Variants in NRP1 observed in about 807,000 individuals in gnomAD.
NRP1 encodes the protein neuropilin 1, also known as neuropilin-1.
A neutral mutation model predicts 106.7 loss-of-function variants in NRP1; 35 were observed. The ratio of observed to expected loss-of-function variants is 0.33; its 90% CI spans 0.25 to 0.43. The LOEUF (loss-of-function observed/expected upper bound fraction) is 0.43, where lower values mean the gene tolerates loss of function less well. NRP1 is among the 20% of genes least tolerant of loss of function. NRP1 has a pLI of 1.00. For missense variants in NRP1, 1,024 were observed against 1,170.4 expected (o/e 0.87, Z 1.83); for synonymous variants, 437 against 417.9 (o/e 1.05, Z -0.56).
chr10:33,282,128 G>GTTGT (rs1554801676), intron 2 of NRP1, among the ~76,000 whole-genome samples: 1 of 149,330 alleles, frequency 6.7e-6, no homozygotes, highest in Non-Finnish European at 1.5e-5. Flanking sequence ...ACCATAGTAT[G>GTTGT]TTTTTTTTTT....
intron 2 of NRP1, among the ~76,000 whole-genome samples, chr10:33,292,353 A>G (rs1159257506): frequency 6.6e-6 from 1 of 152,182 alleles, no homozygotes; most frequent in African/African-American, 2.4e-5. Flanking sequence ...GGAAAGCAAA[A>G]TTCTACAATA....
intron 2 of NRP1, among the ~76,000 whole-genome samples, chr10:33,289,726 A>T (rs939712729): frequency 6.6e-6 from 1 of 152,178 alleles, no homozygotes; most frequent in African/African-American, 2.4e-5. Context: ...TTCACTCCTT[A>T]CTTTACCACT....
At position 33,186,470 on chromosome 10, in the gene NRP1, T is replaced by A. The variant is rs1014613111; in HGVS notation, c.2081A>T (p.Tyr694Phe). 2 of 1,612,174 alleles carry A rather than the reference T, an allele frequency of 1.2e-6. No individual in the cohort carries two copies. Among genetic ancestry groups the A allele is most frequent in the African/African-American group, 2.7e-5 (2 of 74,892 alleles). ...CTTCTGATTTTCGTCAGCTTGGGAA[T>A]AGATGAAGTTGCCATCTCCTGCTGT... ...QDHTGDGNFIYSQADENQKGK... is the reference protein window; with the variant it reads ...QDHTGDGNFIFSQADENQKGK... Residue 694 changes from tyrosine to phenylalanine, a missense_variant, in exon 14 of 17, where the codon TAT (tyrosine) becomes TTT (phenylalanine). By Grantham distance (22) the Tyr-to-Phe change is conservative. This residue lies in a region of NRP1 where 562 missense variants were observed against 620.3 expected (regional missense o/e 0.91). Coordinates refer to ENST00000374867, the MANE Select transcript of NRP1 (RefSeq NM_003873.7).
intron 6 of NRP1, among the ~76,000 whole-genome samples, chr10:33,229,855 G>A (rs1353275261): frequency 6.6e-6 from 1 of 152,030 alleles, no homozygotes; most frequent in African/African-American, 2.4e-5. Flanking sequence ...AAATGCATTG[G>A]CAACCTCCTC....
At chr10:33,197,909 A>G in intron 11 of NRP1, among the ~76,000 whole-genome samples, 200 bp from the exon 12 acceptor site, 1 of 150,026 alleles carries the variant, frequency 6.7e-6, no homozygotes, top group Non-Finnish European at 1.5e-5. Flanking sequence ...TTTTTTTTTT[A>G]CCTAACGCAT....
intron 8 of NRP1, among the ~76,000 whole-genome samples, chr10:33,214,924 C>T (rs150555966): frequency 6.6e-5 from 10 of 151,962 alleles, no homozygotes; most frequent in African/African-American, 1.2e-4. Context: ...GTACTTAATG[C>T]GACAGAATTG....
chr10:33,295,686 CA>C (rs1331143404), intron 2 of NRP1, among the ~76,000 whole-genome samples: 1 of 152,066 alleles, frequency 6.6e-6, no homozygotes. Flanking sequence ...TCAGTGTGGG[CA>C]ATAAAGTGAA....
At chr10:33,218,172 G>A (rs1838929338) in intron 8 of NRP1, among the ~76,000 whole-genome samples, 1 of 152,106 alleles carries the variant, frequency 6.6e-6, no homozygotes, top group Non-Finnish European at 1.5e-5. Flanking sequence ...ATTGCCCAAC[G>A]TGATTTCCAT....
rs1234734775 is a variant in NRP1 at position 33,226,116 on chromosome 10, G to A, written c.1137+18C>T. The A allele has an allele frequency of 1.1e-5, 18 of 1,612,230 alleles. No homozygotes were observed. The highest frequency in any genetic ancestry group is 8.9e-5 in the East Asian group (4 of 44,876). On this transcript the variant is annotated intron_variant, in intron 7 of 16. Transcript: ENST00000374867. ...TTTAAAAGACCAAATTGGTTGCCAC[G>A]GTGGCAGCCTAACTTACAACAGGTT...
At chr10:33,189,398 C>T (rs550032003) in intron 13 of NRP1, among the ~76,000 whole-genome samples, 1 of 152,312 alleles carries the variant, frequency 6.6e-6, no homozygotes, top group African/African-American at 2.4e-5. Flanking sequence ...TTTCCTTGAC[C>T]CCTCTTCCGT....
At chr10:33,320,307 G>A (rs1301720740) in intron 2 of NRP1, among the ~76,000 whole-genome samples, 1 of 147,374 alleles carries the variant, frequency 6.8e-6, no homozygotes, top group South Asian at 2.2e-4. Flanking sequence ...GCAATACTCC[G>A]TCTTTAAAAA....
Position 33,212,105 on chromosome 10 carries a change from G to C in NRP1, c.1614+1281C>G, listed in dbSNP as rs1838350477. 2.0e-5 allele frequency: 3 copies of C among 152,250 alleles called. No homozygotes were observed. The South Asian group carries it at 6.2e-4, about 32-fold the overall frequency. The allele number at this position is 152,250 out of a possible 1,614,324, so 9.4% of individuals were successfully genotyped here. A position where few individuals can be genotyped will look rare whatever the true frequency, so the allele number is the denominator to read the frequency against. On this transcript the variant is annotated intron_variant, in intron 9 of 16. Transcript: ENST00000374867. ...AATGACTGAGGTTGATTTGTTGGTT[G>C]AAAAAAATTATACCACGGGTTTTGG... is the stretch of plus-strand genomic sequence containing the variant.
intron 9 of NRP1, among the ~76,000 whole-genome samples, chr10:33,210,317 A>T (rs1476221011): frequency 6.6e-6 from 1 of 152,120 alleles, no homozygotes; most frequent in Admixed American, 6.5e-5. Context: ...TATTGTCAGT[A>T]GGATACTAAT....
chr10:33,326,204 A>G (rs1254278908), intron 2 of NRP1, among the ~76,000 whole-genome samples: 3 of 152,304 alleles, frequency 2.0e-5, no homozygotes, highest in East Asian at 3.9e-4. Context: ...TCTAACTACC[A>G]TATCAATGAC....
At chr10:33,216,214 T>C (rs1838755968) in intron 8 of NRP1, among the ~76,000 whole-genome samples, 1 of 150,674 alleles carries the variant, frequency 6.6e-6, no homozygotes, top group African/African-American at 2.4e-5. Flanking sequence ...CTTGGCTCAC[T>C]GCAAGCTCCA....
intron 9 of NRP1, among the ~76,000 whole-genome samples, chr10:33,208,252 G>A (rs377452656): frequency 6.6e-6 from 1 of 152,038 alleles, no homozygotes; most frequent in Non-Finnish European, 1.5e-5. Flanking sequence ...AGGGTCTCAT[G>A]ATGTTGCCCA....
At chr10:33,275,177 A>G (rs1420681073) in intron 2 of NRP1, among the ~76,000 whole-genome samples, 1 of 152,212 alleles carries the variant, frequency 6.6e-6, no homozygotes, top group Admixed American at 6.5e-5. Flanking sequence ...ATGTATGAAA[A>G]GTCTTAAAAG....
intron 15 of NRP1, among the ~76,000 whole-genome samples, chr10:33,183,428 T>C (rs1835814340): frequency 6.6e-6 from 1 of 152,136 alleles, no homozygotes; most frequent in African/African-American, 2.4e-5. Flanking sequence ...TCTACTGAAG[T>C]AGATTCGTAC....
At chr10:33,269,638 C>T (rs929403380) in intron 3 of NRP1, among the ~76,000 whole-genome samples, 14 of 152,182 alleles carry the variant, frequency 9.2e-5, no homozygotes, top group African/African-American at 2.9e-4. Flanking sequence ...GGAACTTAGC[C>T]ACACAGCAGG....
Sources: gnomAD v4.1 joint callset for allele counts (sites outside exome capture counted in the v4.1 genomes callset) on GRCh38, gnomAD v4.1.1 for gene constraint, gnomAD v4.1.1 regional missense constraint, MANE v1.5 for transcripts, NCBI Gene and HGNC (gene_info 2026-07-23, HGNC 2026-07-21) for gene names.